GAS7: variants seen among roughly 807,000 people sequenced by gnomAD.
The protein encoded by GAS7 is growth arrest specific 7, also known as growth arrest-specific protein 7.
Under a neutral mutation model 71.1 loss-of-function variants are expected in GAS7, and 28 were observed. The observed-to-expected ratio is 0.39, with a 90% CI of 0.29 to 0.54. GAS7 has a LOEUF of 0.54. Ranked by LOEUF, GAS7 falls within the 20% of genes least tolerant of loss-of-function variation. The pLI, the probability that GAS7 is intolerant of heterozygous loss-of-function variation, is 0.62. For synonymous variants in GAS7, 258 were observed against 245.8 expected, an observed-to-expected ratio of 1.05 and a Z score of -0.46; for missense variants, 436 against 627.8, an observed-to-expected ratio of 0.69 and a Z score of 3.27.
intron 13 of GAS7, among the ~76,000 whole-genome samples, 170 bp from the exon 14 acceptor site, chr17:9,917,511 G>C (rs1432540310): frequency 6.6e-6 from 1 of 152,154 alleles, no homozygotes; most frequent in African/African-American, 2.4e-5. Context: ...AGAGGGCTGT[G>C]AACGGGGAAC....
At chr17:10,157,934 G>A (rs923803789) in intron 1 of GAS7, among the ~76,000 whole-genome samples, 1 of 152,212 alleles carries the variant, frequency 6.6e-6, no homozygotes, top group African/African-American at 2.4e-5. Context: ...CTTGAGCCCA[G>A]GAGATTGAGG....
chr17:10,020,526 T>C (rs2072225435), intron 1 of GAS7, among the ~76,000 whole-genome samples: 1 of 152,122 alleles, frequency 6.6e-6, no homozygotes, highest in Admixed American at 6.6e-5. Flanking sequence ...CTTTTAACCA[T>C]GTATAGAATT....
chr17:9,932,659 C>T (rs1373099332), intron 9 of GAS7, among the ~76,000 whole-genome samples: 1 of 152,068 alleles, frequency 6.6e-6, no homozygotes, highest in Non-Finnish European at 1.5e-5. Flanking sequence ...GGGAGAGTCA[C>T]TTGGAAACAT....
chr17:10,149,570 A>G (rs535263362), intron 1 of GAS7, among the ~76,000 whole-genome samples: 19 of 152,216 alleles, frequency 1.2e-4, no homozygotes, highest in Non-Finnish European at 1.5e-4. Context: ...CAGAGTCCTC[A>G]TACAATCTAG....
At chr17:10,086,223 G>T (rs1166705118) in intron 1 of GAS7, among the ~76,000 whole-genome samples, 3 of 152,200 alleles carry the variant, frequency 2.0e-5, no homozygotes, top group East Asian at 3.8e-4. Context: ...ATACATGTTC[G>T]TGTTCCCATG....
At chr17:10,083,706 G>A (rs1158582358) in intron 1 of GAS7, among the ~76,000 whole-genome samples, 1 of 152,228 alleles carries the variant, frequency 6.6e-6, no homozygotes, top group Admixed American at 6.5e-5. Context: ...CTACCTGAAG[G>A]CAGGAAAGTC....
chr17:9,962,565 C>T (rs1266734303), intron 4 of GAS7, among the ~76,000 whole-genome samples: 2 of 152,156 alleles, frequency 1.3e-5, no homozygotes, highest in East Asian at 3.9e-4. Context: ...TAACTAACTC[C>T]AAAGGGGAAG....
At chr17:10,038,751 G>A (rs1391017988) in intron 1 of GAS7, among the ~76,000 whole-genome samples, 1 of 146,266 alleles carries the variant, frequency 6.8e-6, no homozygotes, top group Non-Finnish European at 1.5e-5. Flanking sequence ...CCAAGCTGGA[G>A]TGCAGTGGCG....
At chr17:9,946,683 A>T (rs564524656) in intron 6 of GAS7, among the ~76,000 whole-genome samples, 2 of 152,160 alleles carry the variant, frequency 1.3e-5, no homozygotes, top group African/African-American at 4.8e-5. Flanking sequence ...AATGTGAACA[A>T]AAGTCCTGCT....
At position 10,026,453 on chromosome 17, in the gene GAS7, T is replaced by A; in HGVS notation, c.184-6556A>T. The A allele has an allele frequency of 9.5e-6, 2 of 210,456 alleles. No individual in the cohort carries two copies. The highest frequency in any genetic ancestry group is 1.6e-5 in the Non-Finnish European group (2 of 121,392). 13.0% of individuals were successfully genotyped at this position (210,456 alleles called of 1,614,324 possible). On this transcript the variant is annotated intron_variant, in intron 1 of 13. Coordinates refer to ENST00000432992, the MANE Select transcript of GAS7 (RefSeq NM_201433.2). The surrounding 1 kb of genome is among the most constrained non-coding windows in gnomAD (Gnocchi z 4.5). Reference sequence around the variant, plus strand: ...AGCCCAGTGCCGTGATTGGCACTGCTTGAAGGCTCCTCCACAAAGGACTCT... The same window carrying A: ...AGCCCAGTGCCGTGATTGGCACTGCATGAAGGCTCCTCCACAAAGGACTCT...
At position 9,963,039 on chromosome 17, in the gene GAS7, G is replaced by GAA. The variant is rs71139010; in HGVS notation, c.472-3786_472-3785dup. ...CTCAAAAATAAATCGTCAAGGTGAT[G>GAA]AAAAAAAAAAAAAAGAAAAAAAGGT... On this transcript the variant is annotated intron_variant, in intron 4 of 13. Transcript: ENST00000432992. Among the ~76,000 whole-genome samples, 1,141 of 130,954 alleles carry GAA rather than the reference G, an allele frequency of 8.7e-3. 18 individuals are homozygous for GAA. The highest frequency in any genetic ancestry group is 0.028 in the African/African-American group (948 of 33,908). The allele number at this position is 130,954 out of a possible 152,430, so 85.9% of individuals were successfully genotyped here.
At chr17:10,106,911 G>C (rs1023013362) in intron 1 of GAS7, among the ~76,000 whole-genome samples, 4 of 152,114 alleles carry the variant, frequency 2.6e-5, no homozygotes, top group Non-Finnish European at 5.9e-5. Context: ...TGGATTATCT[G>C]GGTAGGTTCT....
rs997356296 is a variant in GAS7 at position 9,926,896 on chromosome 17, T to C, written c.886-127A>G. ...TGAGGATGAGTCTGGGGTAGCGACCTGGCAGGAAGGTGAGAGACACCCCCT... is the reference window on the plus strand; with the variant it reads ...TGAGGATGAGTCTGGGGTAGCGACCCGGCAGGAAGGTGAGAGACACCCCCT... On this transcript the variant is annotated intron_variant, in intron 9 of 13. Coordinates refer to ENST00000432992, the MANE Select transcript of GAS7 (RefSeq NM_201433.2). The surrounding 1 kb of genome is among the most constrained non-coding windows in gnomAD (Gnocchi z 5.0). 13 of 987,268 alleles carry C rather than the reference T, an allele frequency of 1.3e-5. No homozygotes were observed. Among genetic ancestry groups the C allele is most frequent in the Middle Eastern group, 2.2e-4 (1 of 4,480 alleles). 61.2% of individuals were successfully genotyped at this position (987,268 alleles called of 1,614,324 possible).
chr17:9,982,462 GC>G (rs1256828158), intron 2 of GAS7, among the ~76,000 whole-genome samples: 1 of 152,122 alleles, frequency 6.6e-6, no homozygotes, highest in East Asian at 1.9e-4. Flanking sequence ...CTCTTCCAAT[GC>G]CCTGCTACAG....
rs3177567 is a variant in GAS7, at chr17:9,913,314, G to C, written c.*3914C>G. ...ACTTAACATTAGAAGTGCTCTCTCC[G>C]ACCTACACAAGGAATGCATCTTGAG... is the stretch of plus-strand genomic sequence containing the variant. On this transcript the variant is annotated 3_prime_UTR_variant, in exon 14 of 14. Coordinates refer to ENST00000432992, the MANE Select transcript of GAS7 (RefSeq NM_201433.2). 0.61 allele frequency: 141,418 copies of C among 232,356 alleles called. 44,155 individuals are homozygous for C. The highest frequency in any genetic ancestry group is 0.78 in the African/African-American group (35,122 of 45,304). The allele number at this position is 232,356 out of a possible 1,614,324, so 14.4% of individuals were successfully genotyped here. A position where few individuals can be genotyped will look rare whatever the true frequency, so the allele number is the denominator to read the frequency against.
rs1224032021 is a variant in GAS7 at position 9,926,752 on chromosome 17, C to T, written c.903G>A (p.Glu301=). Residue 301 remains glutamate, a synonymous_variant, in exon 10 of 14, where the codon GAG becomes GAA. Transcript: ENST00000432992. This position sits in a 1 kb window ranked among gnomAD's most constrained non-coding sequence, Gnocchi z 5.0. ...TCTCACGGAAGTTCATCAGGGGCTT[C>T]TCCACCTCGCTGTGAAGCTGTTGGG... The part of the protein sequence containing the change: ...KFSAKLHSEV[E]KPLMNFRENF... 4.3e-6 allele frequency: 7 copies of T among 1,614,134 alleles called. No individual in the cohort carries two copies. In the Admixed American group the frequency reaches 5.0e-5, roughly 12 times the overall value.
rs147768987 is a variant in GAS7 at position 9,959,616 on chromosome 17, C to G, written c.472-361G>C. ...TTGCTGCCTGAAGCCGCGGAATCCA[C>G]TGGGGAGAAGAGAGTTAAGGCCACC... On this transcript the variant is annotated intron_variant, in intron 4 of 13. Coordinates refer to ENST00000432992, the MANE Select transcript of GAS7 (RefSeq NM_201433.2). The surrounding 1 kb of genome is among the most constrained non-coding windows in gnomAD (Gnocchi z 5.0). 173 of 409,804 alleles carry G rather than the reference C, an allele frequency of 4.2e-4. 1 individual carries two copies. Among genetic ancestry groups the G allele is most frequent in the Middle Eastern group, 3.6e-3 (5 of 1,374 alleles). The allele number at this position is 409,804 out of a possible 1,614,324, so 25.4% of individuals were successfully genotyped here.
chr17:10,111,273 G>A (rs1202265416), intron 1 of GAS7, among the ~76,000 whole-genome samples: 2 of 144,836 alleles, frequency 1.4e-5, no homozygotes, highest in Non-Finnish European at 3.0e-5. Flanking sequence ...AATGGCTCAC[G>A]CCTGTAATCC....
chr17:10,076,591 C>A (rs1001768309), intron 1 of GAS7, among the ~76,000 whole-genome samples: 1 of 152,028 alleles, frequency 6.6e-6, no homozygotes, highest in Non-Finnish European at 1.5e-5. Flanking sequence ...ACTATCAGAA[C>A]TAATAAGACA....
Sources: gnomAD v4.1 joint callset for allele counts (sites outside exome capture counted in the v4.1 genomes callset) on GRCh38, gnomAD v4.1.1 for gene constraint, Gnocchi (gnomAD v3.1) non-coding constraint, MANE v1.5 for transcripts, NCBI Gene and HGNC (gene_info 2026-07-23, HGNC 2026-07-21) for gene names.